Variants in NXPH1 observed in about 807,000 individuals in gnomAD.
The protein encoded by NXPH1 is neurexophilin-1.
A neutral mutation model predicts 23.7 loss-of-function variants in NXPH1; 5 were observed. The observed-to-expected ratio is 0.21, with a 90% CI of 0.11 to 0.44. The LOEUF (loss-of-function observed/expected upper bound fraction) is 0.44. Among genes scored for constraint, NXPH1 ranks in the 20% least tolerant of loss-of-function variants. The pLI is 0.99. For synonymous variants in NXPH1, 144 were observed against 122.2 expected, an observed-to-expected ratio of 1.18 and a Z score of -1.18; for missense variants, 324 against 321.6, an observed-to-expected ratio of 1.01 and a Z score of -0.06.
chr7:8,519,189 C>G (rs910624079), intron 2 of NXPH1, among the ~76,000 whole-genome samples: 1 of 152,158 alleles, frequency 6.6e-6, no homozygotes, highest in East Asian at 1.9e-4. Context: ...ATTTTGTATA[C>G]TCTATAAGGG....
rs536077934 is a variant in NXPH1, at chr7:8,508,222, C to T, written c.54+72455C>T. ...CAACAAAATCATAATTAGATGAATA[C>T]CTGCATATTTATAGGTATATTTCAA... is the stretch of plus-strand genomic sequence containing the variant. On this transcript the variant is annotated intron_variant, in intron 2 of 2. Transcript: ENST00000405863. Among the ~76,000 whole-genome samples, 9 of 152,068 alleles carry T rather than the reference C, an allele frequency of 5.9e-5. No individual in the cohort carries two copies. In the East Asian group the frequency reaches 1.6e-3, roughly 26 times the overall value.
At chr7:8,455,983 A>T (rs1426683014) in intron 2 of NXPH1, among the ~76,000 whole-genome samples, 1 of 152,214 alleles carries the variant, frequency 6.6e-6, no homozygotes, top group Non-Finnish European at 1.5e-5. Flanking sequence ...TTGCAAGGTC[A>T]TTAGGCAATT....
chr7:8,604,951 G>A (rs1268625797), intron 2 of NXPH1, among the ~76,000 whole-genome samples: 1 of 152,036 alleles, frequency 6.6e-6, no homozygotes, highest in African/African-American at 2.4e-5. Context: ...TAACATGCTT[G>A]CCATTTTTTC....
intron 2 of NXPH1, among the ~76,000 whole-genome samples, chr7:8,524,447 C>CTG (rs1817830454): frequency 6.6e-6 from 1 of 152,014 alleles, no homozygotes; most frequent in African/African-American, 2.4e-5. Flanking sequence ...AGAGGTTCAG[C>CTG]TGTCCCATTT....
chr7:8,701,338 T>G (rs1399452422), intron 2 of NXPH1, among the ~76,000 whole-genome samples: 1 of 152,106 alleles, frequency 6.6e-6, no homozygotes, highest in Non-Finnish European at 1.5e-5. Context: ...CCAAACTCCT[T>G]AGCACTGTAA....
At chr7:8,640,250 C>T (rs966235471) in intron 2 of NXPH1, among the ~76,000 whole-genome samples, 2 of 151,872 alleles carry the variant, frequency 1.3e-5, no homozygotes, top group African/African-American at 4.8e-5. Context: ...TTAAATGCTT[C>T]TAAAGTTTTA....
chr7:8,517,347 T>A (rs763917450), intron 2 of NXPH1, among the ~76,000 whole-genome samples: 1 of 152,042 alleles, frequency 6.6e-6, no homozygotes, highest in Non-Finnish European at 1.5e-5. Context: ...AAGAGGATTG[T>A]AGGCATGTGG....
At chr7:8,468,712 G>C (rs1289796508) in intron 2 of NXPH1, among the ~76,000 whole-genome samples, 7 of 152,108 alleles carry the variant, frequency 4.6e-5, no homozygotes, top group African/African-American at 1.7e-4. Context: ...TTGCTTGCAG[G>C]TGACTGATTG....
At chr7:8,516,709 G>A (rs747483052) in intron 2 of NXPH1, among the ~76,000 whole-genome samples, 3 of 152,114 alleles carry the variant, frequency 2.0e-5, no homozygotes, top group Non-Finnish European at 2.9e-5. Context: ...GAACTCTGGA[G>A]CCTTTTGAGT....
intron 2 of NXPH1, among the ~76,000 whole-genome samples, chr7:8,671,518 C>G (rs146015470): frequency 6.6e-6 from 1 of 152,166 alleles, no homozygotes; most frequent in Non-Finnish European, 1.5e-5. Flanking sequence ...GTATAATTAC[C>G]TTCCATTAAG....
chr7:8,591,846 CTTT>C (rs111935394), intron 2 of NXPH1, among the ~76,000 whole-genome samples: 33 of 140,912 alleles, frequency 2.3e-4, no homozygotes, highest in African/African-American at 1.8e-4. Flanking sequence ...GCTGAGGTTT[CTTT>C]TTTTTTTTTT....
intron 2 of NXPH1, among the ~76,000 whole-genome samples, chr7:8,540,578 G>A (rs1007946093): frequency 2.6e-5 from 4 of 151,686 alleles, no homozygotes; most frequent in South Asian, 2.1e-4. Context: ...AGGTCAAGGC[G>A]GTTAGGATTC....
chr7:8,504,414 T>G (rs1817488068), intron 2 of NXPH1, among the ~76,000 whole-genome samples: 1 of 151,994 alleles, frequency 6.6e-6, no homozygotes, highest in Non-Finnish European at 1.5e-5. Context: ...GGATTTTCAG[T>G]CAAGTTCATA....
chr7:8,577,155 G>C (rs1201569032), intron 2 of NXPH1, among the ~76,000 whole-genome samples: 1 of 152,014 alleles, frequency 6.6e-6, no homozygotes, highest in Non-Finnish European at 1.5e-5. Flanking sequence ...TAACATTCAC[G>C]GGAGTATCTA....
At chr7:8,532,321 G>A (rs1033017247) in intron 2 of NXPH1, among the ~76,000 whole-genome samples, 1 of 152,106 alleles carries the variant, frequency 6.6e-6, no homozygotes, top group African/African-American at 2.4e-5. Flanking sequence ...TCCAGTGTAA[G>A]ATAAAAATCA....
chr7:8,491,343 T>C (rs753852025), intron 2 of NXPH1, among the ~76,000 whole-genome samples: 3 of 151,990 alleles, frequency 2.0e-5, no homozygotes, highest in Non-Finnish European at 4.4e-5. Context: ...TATTGCAAAA[T>C]TGGCCTTGAA....
chr7:8,463,705 T>A (rs769221066), intron 2 of NXPH1, among the ~76,000 whole-genome samples: 16 of 152,208 alleles, frequency 1.1e-4, no homozygotes, highest in Admixed American at 2.0e-4. Context: ...TTTACGTGCC[T>A]AAGGCCATTT....
intron 2 of NXPH1, among the ~76,000 whole-genome samples, chr7:8,458,805 A>G (rs190535732): frequency 4.6e-5 from 7 of 152,336 alleles, no homozygotes; most frequent in African/African-American, 1.7e-4. Flanking sequence ...ATAACTTCAT[A>G]GAGTAGGAAT....
chr7:8,751,923 T>A lies in NXPH1; in HGVS notation c.*154T>A. The A allele has an allele frequency of 1.5e-6, 1 of 676,306 alleles. No homozygotes were observed. The highest frequency in any genetic ancestry group is 2.2e-5 in the South Asian group (1 of 46,258). 41.9% of individuals were successfully genotyped at this position (676,306 alleles called of 1,614,324 possible). On this transcript the variant is annotated 3_prime_UTR_variant, in exon 3 of 3. Transcript: ENST00000405863. This position sits in a 1 kb window ranked among gnomAD's most constrained non-coding sequence, Gnocchi z 4.5. ...CAAAATACACTAGTGGAAAACACTC[T>A]GATGTAATTTCTGCCCAGTCAGCTT...
Sources: allele counts gnomAD v4.1 joint callset (sites outside exome capture counted in the v4.1 genomes callset), GRCh38; gene constraint gnomAD v4.1.1; non-coding constraint Gnocchi (gnomAD v3.1); transcripts MANE v1.5; gene names NCBI Gene and HGNC (gene_info 2026-07-23, HGNC 2026-07-21).